The following SGCD variants were observed in gnomAD, a reference collection of about 807,000 sequenced individuals.
SGCD encodes the protein sarcoglycan delta.
A neutral mutation model predicts 36.6 loss-of-function variants in SGCD; 18 were observed. That is an observed-to-expected ratio of 0.49 (90% CI 0.34 to 0.73). The LOEUF (loss-of-function observed/expected upper bound fraction) is 0.73. Among genes scored for constraint, SGCD ranks in the 30% least tolerant of loss-of-function variants. SGCD has a pLI of 0.01. For missense variants in SGCD, 387 were observed against 346.7 expected (o/e 1.12, Z -0.92); for synonymous variants, 133 against 130.6 (o/e 1.02, Z -0.12).
chr5:156,424,151 C>G (rs967949508), intron 3 of SGCD, among the ~76,000 whole-genome samples: 18 of 151,996 alleles, frequency 1.2e-4, no homozygotes, highest in Non-Finnish European at 4.4e-5. Flanking sequence ...GAAAATCATT[C>G]TAATGTAGCC....
At chr5:156,134,568 G>A (rs970621884) in intron 3 of SGCD, among the ~76,000 whole-genome samples, 4 of 151,848 alleles carry the variant, frequency 2.6e-5, no homozygotes, top group Admixed American at 2.6e-4. Context: ...AACAAATCTC[G>A]AAAACCCCTC....
At chr5:156,133,914 A>AAC (rs70981997) in intron 3 of SGCD, among the ~76,000 whole-genome samples, 10,921 of 140,224 alleles carry the variant, frequency 0.078, 430 homozygotes, top group African/African-American at 0.1. Flanking sequence ...GCCGGGTTAA[A>AAC]ACACACACAC....
chr5:156,742,451 C>G (rs1756730264), intron 7 of SGCD, among the ~76,000 whole-genome samples: 1 of 152,114 alleles, frequency 6.6e-6, no homozygotes, highest in African/African-American at 2.4e-5. Context: ...ATAAAATCTA[C>G]AACACTAGAA....
chr5:156,684,328 C>A (rs891640878), intron 7 of SGCD, among the ~76,000 whole-genome samples: 3 of 152,110 alleles, frequency 2.0e-5, no homozygotes, highest in African/African-American at 7.2e-5. Context: ...TAGTCAGCAG[C>A]ATGAGCTCCT....
chr5:156,277,570 A>G (rs1766349555), intron 3 of SGCD, among the ~76,000 whole-genome samples: 1 of 152,206 alleles, frequency 6.6e-6, no homozygotes. Context: ...GAGCACTTCG[A>G]TGACAAATGA....
In SGCD at chr5:156,530,775, TC is replaced by T. The variant is rs771775560; in HGVS notation, c.294+22077del. On this transcript the variant is annotated intron_variant, in intron 4 of 8. Transcript: ENST00000337851. The stretch of plus-strand genomic sequence containing the variant: ...TTGTGTTTTCTAGTAGAGATGGGTT[TC>T]CCCATGTTGGCCAGACTGGTCTCGA... Among the ~76,000 whole-genome samples, 25 of 152,200 alleles carry T rather than the reference TC, an allele frequency of 1.6e-4. No individual in the cohort carries two copies. In the Middle Eastern group the frequency reaches 0.01, roughly 62 times the overall value.
chr5:156,135,363 T>A (rs1762431187), intron 3 of SGCD, among the ~76,000 whole-genome samples: 1 of 152,154 alleles, frequency 6.6e-6, no homozygotes, highest in Non-Finnish European at 1.5e-5. Context: ...TCTTCTGCCT[T>A]TATGGTAGCC....
chr5:156,743,174 C>A (rs2113097404), intron 7 of SGCD, among the ~76,000 whole-genome samples: 1 of 144,168 alleles, frequency 6.9e-6, no homozygotes, highest in East Asian at 2.1e-4. Flanking sequence ...TGCAGTGGCA[C>A]AATCTCGGCT....
intron 4 of SGCD, among the ~76,000 whole-genome samples, chr5:156,530,509 T>C (rs1757843045): frequency 6.6e-6 from 1 of 152,224 alleles, no homozygotes; most frequent in Non-Finnish European, 1.5e-5. Context: ...TGTCTTGCCA[T>C]GTGAATTTTC....
chr5:155,942,732 A>G (rs986478536), intron 1 of SGCD, among the ~76,000 whole-genome samples: 3 of 152,206 alleles, frequency 2.0e-5, no homozygotes. Context: ...TATGATGTAC[A>G]ATATGCAGGA....
the SGCD span, among the ~76,000 whole-genome samples, chr5:155,795,579 AAG>A: frequency 6.6e-6 from 1 of 152,204 alleles, no homozygotes; most frequent in Non-Finnish European, 1.5e-5. Context: ...ATTAATCTAA[AAG>A]AGAATAAATA....
At chr5:155,835,395 A>G in the SGCD span, among the ~76,000 whole-genome samples, 1 of 152,142 alleles carries the variant, frequency 6.6e-6, no homozygotes, top group East Asian at 1.9e-4. Flanking sequence ...CAGAAATACA[A>G]ATGGTGTGGA....
chr5:155,826,336 G>T, the SGCD span, among the ~76,000 whole-genome samples: 1 of 152,084 alleles, frequency 6.6e-6, no homozygotes, highest in African/African-American at 2.4e-5. Context: ...TAAATGAGAT[G>T]ATCTTACTTC....
intron 4 of SGCD, among the ~76,000 whole-genome samples, chr5:156,542,344 G>T (rs371270408): frequency 1.3e-5 from 2 of 152,086 alleles, no homozygotes; most frequent in Non-Finnish European, 1.5e-5. Context: ...AACCACTTCC[G>T]CTATTTATGA....
chr5:156,418,918 C>T (rs796389274), intron 3 of SGCD, among the ~76,000 whole-genome samples: 3 of 152,256 alleles, frequency 2.0e-5, no homozygotes, highest in South Asian at 4.1e-4. Context: ...TGAAATCCAG[C>T]GTTGAATTTT....
At chr5:155,837,867 G>A in the SGCD span, among the ~76,000 whole-genome samples, 12 of 152,234 alleles carry the variant, frequency 7.9e-5, no homozygotes, top group African/African-American at 2.6e-4. Flanking sequence ...CTTTCATTCC[G>A]ATTGCATTTG....
At chr5:156,508,474 C>A (rs1329793578) in intron 3 of SGCD, 127 bp from the exon 4 acceptor site, 11 of 628,292 alleles carry the variant, frequency 1.8e-5, no homozygotes, top group South Asian at 9.7e-5. Context: ...TTTTTGAATA[C>A]CCGTCCTCAT....
At chr5:156,640,705 C>T (rs961100338) in intron 6 of SGCD, among the ~76,000 whole-genome samples, 6 of 152,130 alleles carry the variant, frequency 3.9e-5, no homozygotes, top group Admixed American at 2.6e-4. Context: ...TCATGTCTGA[C>T]GTAGGCTCTA....
At chr5:155,958,086 C>T (rs1345107145) in intron 1 of SGCD, among the ~76,000 whole-genome samples, 2 of 152,072 alleles carry the variant, frequency 1.3e-5, no homozygotes, top group African/African-American at 2.4e-5. Context: ...GATGAGTTTA[C>T]CATGGCAATA....
Sources: gnomAD v4.1 joint callset for allele counts (sites outside exome capture counted in the v4.1 genomes callset) on GRCh38, gnomAD v4.1.1 for gene constraint, MANE v1.5 for transcripts, NCBI Gene and HGNC (gene_info 2026-07-23, HGNC 2026-07-21) for gene names.